Variants in CHST9 observed in about 807,000 individuals in gnomAD.
CHST9 encodes the protein carbohydrate sulfotransferase 9, also known as GalNAc-4-sulfotransferase 2.
In CHST9, 41 loss-of-function variants were observed where a neutral mutation model predicts 44.4. That is an observed-to-expected ratio of 0.92 (90% CI 0.72 to 1.20). The LOEUF (loss-of-function observed/expected upper bound fraction) is 1.20, where lower values mean the gene tolerates loss of function less well. CHST9 is among the 50% of genes most tolerant of loss of function. The pLI, the probability that CHST9 is intolerant of heterozygous loss-of-function variation, is 0.00. For missense variants in CHST9, 504 were observed against 516.5 expected, an observed-to-expected ratio of 0.98 and a Z score of 0.23; for synonymous variants, 171 against 178.4, an observed-to-expected ratio of 0.96 and a Z score of 0.33.
intron 5 of CHST9, among the ~76,000 whole-genome samples, chr18:26,923,702 T>C (rs1044227689): frequency 7.2e-5 from 11 of 152,236 alleles, no homozygotes; most frequent in Admixed American, 7.2e-4. Context: ...ATAAAATTTG[T>C]GGCCCTTCAA....
At chr18:27,129,938 A>G (rs9944690) in intron 2 of CHST9, among the ~76,000 whole-genome samples, 1,761 of 152,190 alleles carry the variant, frequency 0.012, 34 homozygotes, top group African/African-American at 0.037. Context: ...TTTGGGAAAT[A>G]AGCCAATAAT....
At chr18:27,111,217 C>A (rs1466323314) in intron 2 of CHST9, among the ~76,000 whole-genome samples, 5 of 152,220 alleles carry the variant, frequency 3.3e-5, no homozygotes. Flanking sequence ...TCTGCTGGAT[C>A]TTCCATTATC....
intron 3 of CHST9, among the ~76,000 whole-genome samples, chr18:27,024,452 G>C (rs2057261685): frequency 1.3e-5 from 2 of 152,048 alleles, no homozygotes. Flanking sequence ...CTGGGGGGTG[G>C]GTAGCATTGG....
chr18:27,165,036 G>GGA (rs2058779068), intron 1 of CHST9, among the ~76,000 whole-genome samples: 2 of 152,138 alleles, frequency 1.3e-5, no homozygotes, highest in South Asian at 4.1e-4. Context: ...ATCTGAAAAA[G>GGA]GAGAGAGAGA....
chr18:27,076,156 T>A (rs76495503), intron 2 of CHST9, among the ~76,000 whole-genome samples: 6,793 of 152,300 alleles, frequency 0.045, 212 homozygotes, highest in East Asian at 0.14. Context: ...GGTTTCCTTA[T>A]CTAAATGTGC....
chr18:27,163,701 G>A (rs1157018761), intron 1 of CHST9, among the ~76,000 whole-genome samples: 2 of 152,120 alleles, frequency 1.3e-5, no homozygotes, highest in African/African-American at 2.4e-5. Flanking sequence ...TAATTTCCAG[G>A]TGCCATCTGT....
chr18:27,126,564 G>C (rs1183816141), intron 2 of CHST9, among the ~76,000 whole-genome samples: 1 of 152,188 alleles, frequency 6.6e-6, no homozygotes, highest in African/African-American at 2.4e-5. Context: ...GGTCAGTTGA[G>C]AAACTGAAAA....
At chr18:27,099,926 A>G (rs1270055616) in intron 2 of CHST9, among the ~76,000 whole-genome samples, 3 of 152,120 alleles carry the variant, frequency 2.0e-5, no homozygotes, top group African/African-American at 7.2e-5. Flanking sequence ...ATGCATGTGT[A>G]TGCTCATTGC....
intron 5 of CHST9, among the ~76,000 whole-genome samples, chr18:26,939,334 G>T (rs746348615): frequency 6.6e-6 from 1 of 152,164 alleles, no homozygotes; most frequent in Non-Finnish European, 1.5e-5. Flanking sequence ...GTTTTATAAA[G>T]AACCAACAGT....
intron 2 of CHST9, among the ~76,000 whole-genome samples, chr18:27,081,708 G>C (rs192057629): frequency 1.3e-5 from 2 of 152,158 alleles, no homozygotes; most frequent in African/African-American, 4.8e-5. Context: ...AATATATCCA[G>C]TTTCTCCTAA....
At chr18:27,135,027 G>C (rs1285804147) in intron 2 of CHST9, among the ~76,000 whole-genome samples, 1 of 152,148 alleles carries the variant, frequency 6.6e-6, no homozygotes. Flanking sequence ...AAATTGCTAA[G>C]AGAGGAGATT....
intron 3 of CHST9, among the ~76,000 whole-genome samples, chr18:27,046,447 T>C (rs980491535): frequency 2.0e-5 from 3 of 151,996 alleles, no homozygotes; most frequent in Non-Finnish European, 2.9e-5. Flanking sequence ...ATATTGGTCT[T>C]TCTTAGCCAG....
chr18:27,053,987 A>G (rs573585658), intron 2 of CHST9, among the ~76,000 whole-genome samples: 2 of 152,224 alleles, frequency 1.3e-5, no homozygotes, highest in Admixed American at 1.3e-4. Flanking sequence ...CCATAGCACT[A>G]ATTCTTATTT....
At chr18:27,119,984 T>G (rs185640713) in intron 2 of CHST9, among the ~76,000 whole-genome samples, 16 of 152,262 alleles carry the variant, frequency 1.1e-4, no homozygotes, top group Admixed American at 5.9e-4. Context: ...TGATAAATGT[T>G]ATGAAGGAAA....
chr18:27,120,618 G>A (rs1233082225), intron 2 of CHST9, among the ~76,000 whole-genome samples: 1 of 152,178 alleles, frequency 6.6e-6, no homozygotes, highest in Non-Finnish European at 1.5e-5. Flanking sequence ...ATGATCTGAA[G>A]GAGAGCTAGG....
At chr18:27,120,912 T>C (rs1310604267) in intron 2 of CHST9, among the ~76,000 whole-genome samples, 1 of 152,214 alleles carries the variant, frequency 6.6e-6, no homozygotes, top group Non-Finnish European at 1.5e-5. Flanking sequence ...TGAGGTCATT[T>C]TGTGAGCTCC....
At chr18:26,973,198 G>A (rs2056574684) in intron 4 of CHST9, among the ~76,000 whole-genome samples, 1 of 152,154 alleles carries the variant, frequency 6.6e-6, no homozygotes, top group Non-Finnish European at 1.5e-5. Flanking sequence ...CAGTCCTATA[G>A]TTTACCTAAT....
chr18:27,001,571 C>T (rs759464750), intron 4 of CHST9, among the ~76,000 whole-genome samples: 1 of 152,118 alleles, frequency 6.6e-6, no homozygotes, highest in South Asian at 2.1e-4. Flanking sequence ...GCTAGTTGGC[C>T]TGCCTCTAAC....
intron 5 of CHST9, among the ~76,000 whole-genome samples, chr18:26,921,718 T>C (rs1222122422): frequency 6.6e-6 from 1 of 151,904 alleles, no homozygotes; most frequent in Non-Finnish European, 1.5e-5. Flanking sequence ...AATAAAAGAG[T>C]AAAATCTTAC....
Sources: allele counts gnomAD v4.1 joint callset (sites outside exome capture counted in the v4.1 genomes callset), GRCh38; gene constraint gnomAD v4.1.1; transcripts MANE v1.5; gene names NCBI Gene and HGNC (gene_info 2026-07-23, HGNC 2026-07-21).